The following DYNC2H1 variants were observed in gnomAD, a reference collection of about 807,000 sequenced individuals.
DYNC2H1 encodes cytoplasmic dynein 2 heavy chain 1.
Under a neutral mutation model 570.0 loss-of-function variants are expected in DYNC2H1, and 410 were observed. The ratio of observed to expected loss-of-function variants is 0.72; its 90% confidence interval spans 0.66 to 0.78. DYNC2H1 has a LOEUF of 0.78. DYNC2H1 is among the 30% of genes least tolerant of loss of function. The pLI is 0.00. For synonymous variants in DYNC2H1, 1,688 were observed against 1,677.6 expected (o/e 1.01, Z -0.15); for missense variants, 4,865 against 5,046.4 (o/e 0.96, Z 1.09).
intron 70 of DYNC2H1, among the ~76,000 whole-genome samples, chr11:103,265,391 A>G (rs796455616): frequency 1.3e-5 from 2 of 152,058 alleles, no homozygotes; most frequent in Admixed American, 6.6e-5. Context: ...AAAAAACAGA[A>G]AAGAAAGATA....
intron 84 of DYNC2H1, among the ~76,000 whole-genome samples, chr11:103,428,513 CTG>C (rs1320779964): frequency 4.6e-5 from 7 of 152,264 alleles, no homozygotes; most frequent in African/African-American, 9.6e-5. Flanking sequence ...ACAAAATTTA[CTG>C]TGTTAACCAT....
intron 77 of DYNC2H1, among the ~76,000 whole-genome samples, chr11:103,307,341 A>G (rs1867340343): frequency 6.6e-6 from 1 of 152,160 alleles, no homozygotes. Flanking sequence ...GTTTAGGCAT[A>G]GCAATTGTAG....
At position 103,256,315 on chromosome 11, in the gene DYNC2H1, A is replaced by G. The variant is rs1464078837; in HGVS notation, c.10461+75A>G. 9 of 1,403,760 alleles carry G rather than the reference A, an allele frequency of 6.4e-6. No individual in the cohort carries two copies. Among genetic ancestry groups the G allele is most frequent in the Non-Finnish European group, 8.7e-6 (9 of 1,035,344 alleles). 87.0% of individuals were successfully genotyped at this position (1,403,760 alleles called of 1,614,324 possible). On this transcript the variant is annotated intron_variant, in intron 68 of 88. Transcript: ENST00000375735. The surrounding 1 kb of genome is among the most constrained non-coding windows in gnomAD (Gnocchi z 4.0). ...AGGTTAATATGATAGAAAATGTAGA[A>G]TCAGGTCCTCAGGGGAAAGATGATG...
At chr11:103,448,147 G>T (rs543141) in intron 85 of DYNC2H1, among the ~76,000 whole-genome samples, 81,127 of 151,846 alleles carry the variant, frequency 0.53, 22,326 homozygotes, top group African/African-American at 0.67. Flanking sequence ...AATAACTTTC[G>T]GTAGAAAAAT....
intron 70 of DYNC2H1, among the ~76,000 whole-genome samples, chr11:103,260,756 A>T (rs1865246922): frequency 6.6e-6 from 1 of 151,580 alleles, no homozygotes; most frequent in Non-Finnish European, 1.5e-5. Context: ...AGTAACTGGG[A>T]CTACTGGCGT....
chr11:103,274,736 G>T (rs1353527641), intron 70 of DYNC2H1, among the ~76,000 whole-genome samples: 2 of 152,208 alleles, frequency 1.3e-5, no homozygotes, highest in East Asian at 3.9e-4. Context: ...GTTTTTGGGG[G>T]TTTTTCAGCC....
chr11:103,419,857 A>T (rs1943419625), intron 84 of DYNC2H1, among the ~76,000 whole-genome samples: 1 of 152,180 alleles, frequency 6.6e-6, no homozygotes, highest in Non-Finnish European at 1.5e-5. Context: ...GGAGCATGTT[A>T]TAATCCAATG....
intron 88 of DYNC2H1, among the ~76,000 whole-genome samples, chr11:103,477,438 A>G (rs1945589109): frequency 6.6e-6 from 1 of 152,170 alleles, no homozygotes; most frequent in Admixed American, 6.5e-5. Context: ...AAAAATGCTA[A>G]TCCTATATTT....
intron 55 of DYNC2H1, among the ~76,000 whole-genome samples, chr11:103,219,227 A>C (rs931305045): frequency 6.6e-5 from 10 of 152,148 alleles, no homozygotes; most frequent in African/African-American, 2.2e-4. Flanking sequence ...AAAAAGAAAA[A>C]AAGGAAAAAA....
At position 103,158,759 on chromosome 11, in the gene DYNC2H1, A is replaced by G. The variant is rs1266867643; in HGVS notation, c.4210A>G (p.Ile1404Val). Reference protein sequence around the residue: ...HAGIRNSLLTILDQLQRCQKS... With the variant: ...HAGIRNSLLTVLDQLQRCQKS... ...TGGAATAAGAAATTCTCTACTAACA[A>G]TACTTGATCAGCTTCAAAGATGTCA... Residue 1404 changes from isoleucine (I) to valine (V), a missense_variant, in exon 27 of 89, where the codon ATA becomes GTA. Coordinates refer to ENST00000375735, the MANE Select transcript of DYNC2H1 (RefSeq NM_001377.3). 4 of 1,509,760 alleles carry G rather than the reference A, an allele frequency of 2.6e-6. No homozygotes were observed. In the African/African-American group the frequency reaches 4.2e-5, roughly 16 times the overall value. The allele number at this position is 1,509,760 out of a possible 1,614,324, so 93.5% of individuals were successfully genotyped here. A position where few individuals can be genotyped will look rare whatever the true frequency, so the allele number is the denominator to read the frequency against.
Position 103,140,312 on chromosome 11 carries a change from G to T in DYNC2H1, c.2575-2956G>T, listed in dbSNP as rs377710795. 1.9e-4 allele frequency among the ~76,000 whole-genome samples: 29 copies of T among 152,204 alleles called. No individual in the cohort carries two copies. The East Asian group carries it at 4.2e-3, about 22-fold the overall frequency. On this transcript the variant is annotated intron_variant, in intron 17 of 88. Coordinates refer to ENST00000375735, the MANE Select transcript of DYNC2H1 (RefSeq NM_001377.3). ...ATGCAGTTTCTTCCTAGGCTCGATG[G>T]TCTTTACATTTTGGCATGATTTTGC...
intron 77 of DYNC2H1, 119 bp downstream of exon 77, chr11:103,304,839 A>C: frequency 9.4e-7 from 1 of 1,066,870 alleles, no homozygotes; most frequent in Non-Finnish European, 1.2e-6. Context: ...ATATTTGAGA[A>C]ATTTTAAATT....
At position 103,325,151 on chromosome 11, in the gene DYNC2H1, A is replaced by G. The variant is rs189706994; in HGVS notation, c.12039+1161A>G. On this transcript the variant is annotated intron_variant, in intron 82 of 88. Coordinates refer to ENST00000375735, the MANE Select transcript of DYNC2H1 (RefSeq NM_001377.3). The surrounding 1 kb of genome is among the most constrained non-coding windows in gnomAD (Gnocchi z 4.8). Reference sequence around the variant, plus strand: ...ACTTAGTTTGCAAACATTTTCTCCTATTCTGTAGGTTGTCTGTTTACTCTG... The same window carrying G: ...ACTTAGTTTGCAAACATTTTCTCCTGTTCTGTAGGTTGTCTGTTTACTCTG... Among the ~76,000 whole-genome samples the G allele has an allele frequency of 1.3e-3, 191 of 152,064 alleles. No individual in the cohort carries two copies. The highest frequency in any genetic ancestry group is 2.4e-3 in the Non-Finnish European group (160 of 67,984).
chr11:103,251,694 T>G (rs1311193973), intron 65 of DYNC2H1, among the ~76,000 whole-genome samples: 1 of 152,124 alleles, frequency 6.6e-6, no homozygotes, highest in Non-Finnish European at 1.5e-5. Flanking sequence ...CATCCCCTCC[T>G]TCATTCCCCT....
intron 85 of DYNC2H1, among the ~76,000 whole-genome samples, chr11:103,438,537 C>CT (rs1944141132): frequency 6.6e-6 from 1 of 151,678 alleles, no homozygotes; most frequent in East Asian, 1.9e-4. Flanking sequence ...AGGTTGAGCC[C>CT]AGATCCAGCT....
At chr11:103,413,456 CCTG>C (rs1943166453) in intron 84 of DYNC2H1, among the ~76,000 whole-genome samples, 3 of 152,064 alleles carry the variant, frequency 2.0e-5, no homozygotes, top group African/African-American at 7.2e-5. Context: ...ATACTCTCAT[CCTG>C]CTTTTACTTA....
chr11:103,179,824 C>T (rs957599822), intron 39 of DYNC2H1, among the ~76,000 whole-genome samples: 1 of 151,518 alleles, frequency 6.6e-6, no homozygotes, highest in Non-Finnish European at 1.5e-5. Context: ...TAGTCACATA[C>T]CAGAGCATGG....
At chr11:103,341,021 A>G (rs571808862) in intron 82 of DYNC2H1, among the ~76,000 whole-genome samples, 1 of 152,136 alleles carries the variant, frequency 6.6e-6, no homozygotes, top group Non-Finnish European at 1.5e-5. Context: ...AAGCTGTAAC[A>G]TGATTGGTGG....
intron 85 of DYNC2H1, among the ~76,000 whole-genome samples, chr11:103,442,528 G>C (rs1368238185): frequency 7.9e-5 from 12 of 151,980 alleles, no homozygotes; most frequent in African/African-American, 2.7e-4. Flanking sequence ...TAAATCCTTC[G>C]TATGGCCAAC....
Sources: allele counts gnomAD v4.1 joint callset (sites outside exome capture counted in the v4.1 genomes callset), GRCh38; gene constraint gnomAD v4.1.1; non-coding constraint Gnocchi (gnomAD v3.1); transcripts MANE v1.5; gene names NCBI Gene and HGNC (gene_info 2026-07-23, HGNC 2026-07-21).